TRMT11: variants seen among roughly 807,000 people sequenced by gnomAD.
TRMT11 encodes the protein tRNA (guanine(10)-N(2))-methyltransferase TRMT11.
In TRMT11, 53 loss-of-function variants were observed where a neutral mutation model predicts 62.8. The ratio of observed to expected loss-of-function variants is 0.84; its 90% CI spans 0.68 to 1.06. The LOEUF (loss-of-function observed/expected upper bound fraction) is 1.06, where lower values mean the gene tolerates loss of function less well. Among genes scored for constraint, TRMT11 ranks in the 50% least tolerant of loss-of-function variants. The pLI, the probability that TRMT11 is intolerant of heterozygous loss-of-function variation, is 0.00. For synonymous variants in TRMT11, 188 were observed against 190.3 expected (o/e 0.99, Z 0.10); for missense variants, 556 against 553.4 (o/e 1.00, Z -0.05).
At chr6:126,040,547 G>A (rs1278710771), downstream of TRMT11, among the ~76,000 whole-genome samples, 3 of 152,052 alleles carry the variant, frequency 2.0e-5, no homozygotes, top group African/African-American at 7.2e-5. Context: ...TACTTTCGGC[G>A]TAAGTTACAG....
chr6:126,018,514 C>G (rs959673043), intron 11 of TRMT11, among the ~76,000 whole-genome samples: 8 of 151,584 alleles, frequency 5.3e-5, no homozygotes, highest in Admixed American at 5.3e-4. Flanking sequence ...AATTCACCCC[C>G]TTAACGTATA....
At chr6:126,261,258 A>T in the TRMT11 span, among the ~76,000 whole-genome samples, 4 of 151,904 alleles carry the variant, frequency 2.6e-5, no homozygotes, top group African/African-American at 9.7e-5. Context: ...TTCAGCTCTG[A>T]TGTTTCTGTT....
Position 126,151,767 on chromosome 6 carries a change from C to G in TRMT11, c.*1824-23058C>G, listed in dbSNP as rs1455763534. ...TCCTTCCCTTTCCTTCCTTCCTTCC[C>G]TTCCTTTCACCCTTTTCCTTCCTTC... On this transcript the variant is annotated intron_variant and NMD_transcript_variant, in intron 21 of 22. Coordinates refer to the TRMT11 transcript ENST00000648977. Among the ~76,000 whole-genome samples the G allele has an allele frequency of 7.2e-5, 10 of 139,392 alleles. No homozygotes were observed. In the East Asian group the frequency reaches 2.3e-3, roughly 31 times the overall value. 91.4% of individuals were successfully genotyped at this position (139,392 alleles called of 152,430 possible).
intron 1 of TRMT11, among the ~76,000 whole-genome samples, chr6:126,190,356 G>A (rs1207085039): frequency 1.3e-5 from 2 of 152,104 alleles, no homozygotes; most frequent in Admixed American, 1.3e-4. Flanking sequence ...TAGGGAGTGA[G>A]TTCTCATGAG....
chr6:126,236,072 A>C, the TRMT11 span, among the ~76,000 whole-genome samples: 4 of 152,200 alleles, frequency 2.6e-5, no homozygotes, highest in Non-Finnish European at 5.9e-5. Flanking sequence ...GATTCTCCTA[A>C]ATGGACTTAA....
chr6:126,240,288 A>T, the TRMT11 span, among the ~76,000 whole-genome samples: 1 of 152,014 alleles, frequency 6.6e-6, no homozygotes, highest in East Asian at 1.9e-4. Flanking sequence ...AGGTGCTTTG[A>T]TTTTTAGAGT....
chr6:126,155,375 T>C (rs1778105461), intron 21 of TRMT11, among the ~76,000 whole-genome samples: 1 of 152,176 alleles, frequency 6.6e-6, no homozygotes, highest in Non-Finnish European at 1.5e-5. Flanking sequence ...CAACATTCAG[T>C]ATTACATTTT....
chr6:126,069,295 A>G (rs1054270922), intron 17 of TRMT11, among the ~76,000 whole-genome samples: 2 of 152,228 alleles, frequency 1.3e-5, no homozygotes, highest in Admixed American at 1.3e-4. Context: ...TGGCTCTGCC[A>G]TGTTGTCCAT....
At chr6:126,036,434 G>A (rs913238426) in intron 12 of TRMT11, among the ~76,000 whole-genome samples, 1 of 152,060 alleles carries the variant, frequency 6.6e-6, no homozygotes, top group African/African-American at 2.4e-5. Context: ...GAAAAGAGGC[G>A]GGGATGAGGG....
intron 17 of TRMT11, among the ~76,000 whole-genome samples, chr6:126,069,613 G>A (rs555862654): frequency 4.9e-4 from 75 of 152,298 alleles, no homozygotes; most frequent in African/African-American, 1.6e-3. Flanking sequence ...GCGAAGCTGC[G>A]TGTTATCCTA....
chr6:126,177,444 C>T (rs919356958), intron 1 of TRMT11: 15 of 152,190 alleles, frequency 9.9e-5, no homozygotes, highest in Non-Finnish European at 2.2e-4. Flanking sequence ...ATACCAATTT[C>T]AACTTGTTTA....
chr6:126,058,297 A>G (rs1414428417), intron 17 of TRMT11, among the ~76,000 whole-genome samples: 1 of 152,000 alleles, frequency 6.6e-6, no homozygotes, highest in Non-Finnish European at 1.5e-5. Flanking sequence ...CTCCTTTTTT[A>G]TGGCTGCATA....
chr6:126,156,787 C>T (rs1562336199), intron 21 of TRMT11, among the ~76,000 whole-genome samples: 1 of 152,230 alleles, frequency 6.6e-6, no homozygotes, highest in Admixed American at 6.5e-5. Context: ...CTTACTATCA[C>T]GAGGCTAGCA....
chr6:126,224,006 T>G, the TRMT11 span, among the ~76,000 whole-genome samples: 984 of 152,370 alleles, frequency 6.5e-3, 8 homozygotes, highest in African/African-American at 0.023. Context: ...ATTTTGGTTC[T>G]TTCTTAAAAT....
the TRMT11 span, among the ~76,000 whole-genome samples, chr6:126,248,146 A>G: frequency 2.0e-5 from 3 of 152,148 alleles, no homozygotes; most frequent in African/African-American, 4.8e-5. Context: ...ATTTTTGGGT[A>G]TGTAAGCTAT....
At chr6:126,141,244 AT>A (rs1287656957) in intron 21 of TRMT11, among the ~76,000 whole-genome samples, 3 of 152,112 alleles carry the variant, frequency 2.0e-5, no homozygotes, top group Admixed American at 2.0e-4. Context: ...ATTTTGTCTA[AT>A]TTTGGTTATC....
chr6:126,095,623 T>C (rs750736392), intron 17 of TRMT11, among the ~76,000 whole-genome samples: 1 of 152,208 alleles, frequency 6.6e-6, no homozygotes. Context: ...ATGAGAAATG[T>C]GGTCCTCGTC....
rs912500442 is a variant in TRMT11, at chr6:126,187,212, T to C, written n.143+9877T>C. On this transcript the variant is annotated intron_variant and non_coding_transcript_variant, in intron 1 of 3. Coordinates refer to the TRMT11 transcript ENST00000444229. ...TGATATGATCATGTATGAAGAAAAC[T>C]CTATGGAACCCACAAAAAAACTCTT... Among the ~76,000 whole-genome samples the C allele has an allele frequency of 2.0e-5, 3 of 151,882 alleles. No homozygotes were observed. In the South Asian group the frequency reaches 6.2e-4, roughly 32 times the overall value.
intron 16 of TRMT11, among the ~76,000 whole-genome samples, chr6:126,046,228 A>G (rs1379662992): frequency 6.6e-6 from 1 of 152,098 alleles, no homozygotes; most frequent in East Asian, 1.9e-4. Context: ...ATGAACTCCT[A>G]AAAAAAGAAA....
Sources: allele counts gnomAD v4.1 joint callset (sites outside exome capture counted in the v4.1 genomes callset), GRCh38; gene constraint gnomAD v4.1.1; transcripts MANE v1.5; gene names NCBI Gene and HGNC (gene_info 2026-07-23, HGNC 2026-07-21).